The following GRK3 variants were observed in gnomAD, a reference collection of about 807,000 sequenced individuals.
GRK3 encodes adrenergic, beta, receptor kinase 2.
GRK3 carries 54 observed loss-of-function variants against 95.7 expected under a neutral mutation model. The observed-to-expected ratio is 0.56, with a 90% CI of 0.45 to 0.71. The LOEUF is 0.71. Ranked by LOEUF, GRK3 falls within the 30% of genes least tolerant of loss-of-function variation. The pLI is 0.00. For missense variants in GRK3, 649 were observed against 851.2 expected (o/e 0.76, Z 2.96); for synonymous variants, 281 against 290.8 (o/e 0.97, Z 0.34).
chr22:25,718,175 C>T, intron 18 of GRK3, 70 bp from the exon 19 acceptor site: 2 of 1,503,746 alleles, frequency 1.3e-6, no homozygotes, highest in Non-Finnish European at 1.8e-6. Flanking sequence ...GTTCTTTTTT[C>T]AGAGAATAAT....
At chr22:25,581,229 T>C (rs570665729) in intron 1 of GRK3, 3 of 152,218 alleles carry the variant, frequency 2.0e-5, no homozygotes, top group South Asian at 4.1e-4. Context: ...GTGTTCACTA[T>C]ATTATATCCT....
Position 25,695,166 on chromosome 22 carries a change from G to C in GRK3, c.1112G>C (p.Ser371Thr). 6.2e-7 allele frequency: 1 copy of C among 1,614,182 alleles called. No homozygotes were observed. Among genetic ancestry groups the C allele is most frequent in the Non-Finnish European group, 8.5e-7 (1 of 1,180,014 alleles). ...CAGAAGGGGACGGCCTATGACAGCA[G>C]TGCCGACTGGTTCTCCCTGGGCTGC... ...VLQKGTAYDSSADWFSLGCML... is the reference protein window; with the variant it reads ...VLQKGTAYDSTADWFSLGCML... Residue 371 changes from serine to threonine, a missense_variant, in exon 13 of 21, where the codon AGT becomes ACT. This residue lies in a region of GRK3 where 382 missense variants were observed against 493.8 expected (regional missense o/e 0.77). Coordinates refer to ENST00000324198, the MANE Select transcript of GRK3 (RefSeq NM_005160.4).
chr22:25,689,214 A>G (rs1197029396), intron 11 of GRK3, among the ~76,000 whole-genome samples: 35 of 152,198 alleles, frequency 2.3e-4, no homozygotes, highest in Non-Finnish European at 1.3e-4. Flanking sequence ...TAACTAGACA[A>G]TAGTTGGCCC....
At chr22:25,672,402 A>C (rs1424852293) in intron 7 of GRK3, 55 bp downstream of exon 7, 2 of 924,358 alleles carry the variant, frequency 2.2e-6, no homozygotes, top group African/African-American at 1.7e-5. Flanking sequence ...CCTCTGGCTT[A>C]ACCTCATGAG....
chr22:25,671,306 C>T (rs2084980932), intron 6 of GRK3, among the ~76,000 whole-genome samples: 1 of 152,236 alleles, frequency 6.6e-6, no homozygotes, highest in African/African-American at 2.4e-5. Flanking sequence ...CGCCACTGCA[C>T]TTCAGCCTGG....
At chr22:25,633,272 T>G (rs151052816) in intron 2 of GRK3, among the ~76,000 whole-genome samples, 1 of 152,170 alleles carries the variant, frequency 6.6e-6, no homozygotes, top group African/African-American at 2.4e-5. Context: ...TCAAAAAGTT[T>G]ATTATTCTAG....
At chr22:25,699,944 C>T (rs915781666) in intron 13 of GRK3, among the ~76,000 whole-genome samples, 5 of 152,264 alleles carry the variant, frequency 3.3e-5, no homozygotes, top group Admixed American at 2.6e-4. Context: ...GTGATCTGCC[C>T]GCCTCGGCCT....
intron 1 of GRK3, among the ~76,000 whole-genome samples, chr22:25,577,722 T>G (rs914141138): frequency 6.6e-6 from 1 of 152,222 alleles, no homozygotes; most frequent in African/African-American, 2.4e-5. Context: ...GTGTTTGGAA[T>G]TGCTGCATGA....
Position 25,722,369 on chromosome 22 carries a change from G to A in GRK3, c.1986G>A (p.Pro662=), listed in dbSNP as rs754286790. Residue 662 remains proline (P), a synonymous_variant, in exon 21 of 21, where the codon CCG becomes CCA. Coordinates refer to ENST00000324198, the MANE Select transcript of GRK3 (RefSeq NM_005160.4). ...CCCAGCGGCTATTGCGTCGTGCCCC[G>A]AAGTTCCTCAACAAACCTCGGTCAG... ...KEAQRLLRRA[P]KFLNKPRSGT... is the part of the protein sequence containing the mutation. 7 of 1,614,038 alleles carry A rather than the reference G, an allele frequency of 4.3e-6. No individual in the cohort carries two copies. Among genetic ancestry groups the A allele is most frequent in the African/African-American group, 1.3e-5 (1 of 74,918 alleles).
At chr22:25,591,392 G>T (rs1415174641) in intron 1 of GRK3, among the ~76,000 whole-genome samples, 3 of 152,084 alleles carry the variant, frequency 2.0e-5, no homozygotes, top group Admixed American at 1.3e-4. Context: ...TTTAAGCAAA[G>T]TAGGCTTGAT....
intron 1 of GRK3, among the ~76,000 whole-genome samples, chr22:25,574,519 T>G (rs1167518278): frequency 6.6e-6 from 1 of 152,150 alleles, no homozygotes; most frequent in East Asian, 1.9e-4. Context: ...AACCAAAAAC[T>G]AAAAGTTGCA....
intron 1 of GRK3, among the ~76,000 whole-genome samples, chr22:25,599,513 A>T (rs984865658): frequency 4.0e-5 from 6 of 150,218 alleles, no homozygotes; most frequent in African/African-American, 1.5e-4. Flanking sequence ...AATGATGTGA[A>T]CCCGGGAGGC....
chr22:25,569,596 C>T (rs376497052), intron 1 of GRK3, among the ~76,000 whole-genome samples: 14 of 152,284 alleles, frequency 9.2e-5, no homozygotes, highest in East Asian at 3.9e-4. Flanking sequence ...AACTATCCGA[C>T]GAAGGTGTCA....
rs186594282 is a variant in GRK3 at position 25,566,194 on chromosome 22, A to G, written c.113+1041A>G. Among the ~76,000 whole-genome samples the G allele has an allele frequency of 3.3e-5, 5 of 152,268 alleles. No individual in the cohort carries two copies. In the East Asian group the frequency reaches 5.8e-4, roughly 18 times the overall value. The stretch of plus-strand genomic sequence containing the variant: ...GTTGTACAGCTAATGTGATTCCTTG[A>G]TGCTAAATAGCTCTTGGAATTGATG... On this transcript the variant is annotated intron_variant, in intron 1 of 20. Coordinates refer to ENST00000324198, the MANE Select transcript of GRK3 (RefSeq NM_005160.4).
chr22:25,677,729 G>T (rs2085043022), intron 8 of GRK3, among the ~76,000 whole-genome samples: 1 of 152,222 alleles, frequency 6.6e-6, no homozygotes, highest in South Asian at 2.1e-4. Flanking sequence ...CCATGCTGCA[G>T]ATCCGGGCTG....
At chr22:25,640,673 T>C (rs1242432784) in intron 2 of GRK3, among the ~76,000 whole-genome samples, 1 of 152,260 alleles carries the variant, frequency 6.6e-6, no homozygotes, top group Non-Finnish European at 1.5e-5. Flanking sequence ...AAACCACTTA[T>C]ATTTAATACT....
chr22:25,649,863 C>T (rs1052998128), intron 3 of GRK3, among the ~76,000 whole-genome samples: 6 of 152,064 alleles, frequency 3.9e-5, no homozygotes, highest in Admixed American at 2.6e-4. Context: ...TAATGCAGTA[C>T]GTTAACATTC....
intron 2 of GRK3, among the ~76,000 whole-genome samples, chr22:25,644,242 A>G (rs75742108): frequency 0.022 from 3,324 of 150,540 alleles, 57 homozygotes; most frequent in Middle Eastern, 0.068. Context: ...TACTGTCTGT[A>G]TCTCTTATTC....
chr22:25,629,124 A>G (rs2084647421), intron 2 of GRK3, among the ~76,000 whole-genome samples: 2 of 152,104 alleles, frequency 1.3e-5, no homozygotes, highest in South Asian at 4.2e-4. Flanking sequence ...AATGGTAAGA[A>G]CCCAGTGCTG....
Sources: allele counts gnomAD v4.1 joint callset (sites outside exome capture counted in the v4.1 genomes callset), GRCh38; gene constraint gnomAD v4.1.1; regional missense constraint gnomAD v4.1.1; transcripts MANE v1.5; gene names NCBI Gene and HGNC (gene_info 2026-07-23, HGNC 2026-07-21).